Variants in RRN3 observed in about 807,000 individuals in gnomAD.
The protein encoded by RRN3 is RNA polymerase I transcription factor RRN3, also known as RNA polymerase I-specific transcription initiation factor RRN3.
A neutral mutation model predicts 82.3 loss-of-function variants in RRN3; 38 were observed. The observed-to-expected ratio is 0.46, with a 90% CI of 0.36 to 0.61. RRN3 has a LOEUF of 0.61. Ranked by LOEUF, RRN3 falls within the 20% of genes least tolerant of loss-of-function variation. RRN3 has a pLI of 0.00. For missense variants in RRN3, 726 were observed against 793.1 expected (o/e 0.92, Z 1.02); for synonymous variants, 284 against 284.3 (o/e 1.00, Z 0.01).
intron 3 of RRN3, among the ~76,000 whole-genome samples, chr16:15,090,878 T>G (rs1235111752): frequency 4.0e-5 from 6 of 151,842 alleles, no homozygotes; most frequent in African/African-American, 7.2e-5. Flanking sequence ...GGTTTGTTTT[T>G]TTTTTTTTTT....
intron 5 of RRN3, 68 bp from the exon 6 acceptor site, chr16:15,085,766 A>T: frequency 6.2e-7 from 1 of 1,600,982 alleles, no homozygotes; most frequent in Non-Finnish European, 8.5e-7. Flanking sequence ...ATACAAAAAA[A>T]GTTACTGACC....
chr16:15,084,260 C>T (rs1159177204), intron 7 of RRN3, among the ~76,000 whole-genome samples: 3 of 151,998 alleles, frequency 2.0e-5, no homozygotes, highest in Non-Finnish European at 4.4e-5. Flanking sequence ...ACTAGAGGTC[C>T]ACCCCTCCAA....
At chr16:15,094,012 C>T in intron 1 of RRN3, 133 bp downstream of exon 1, 2 of 764,912 alleles carry the variant, frequency 2.6e-6, no homozygotes, top group South Asian at 3.1e-5. Flanking sequence ...TTTCTGTGAA[C>T]GTGAGATGAC....
intron 13 of RRN3, among the ~76,000 whole-genome samples, 172 bp from the exon 14 acceptor site, chr16:15,070,426 G>A: frequency 6.6e-6 from 1 of 151,724 alleles, no homozygotes; most frequent in Non-Finnish European, 1.5e-5. Context: ...AAGGATGGGT[G>A]CGTAGGAAGA....
intron 15 of RRN3, among the ~76,000 whole-genome samples, chr16:15,067,855 T>C (rs183883840): frequency 3.5e-4 from 53 of 152,200 alleles, no homozygotes; most frequent in African/African-American, 1.1e-3. Context: ...CTTCCTGGGC[T>C]CAAGTGATCC....
rs560471097 is a variant in RRN3 at position 15,061,603 on chromosome 16, C to T, written c.*141G>A. ...CCAGTCTTCAGATGCTTGATTCAGT[C>T]GAACCTGGAAGTGCCACAGCCGAGG... On this transcript the variant is annotated 3_prime_UTR_variant, in exon 18 of 18. Coordinates refer to ENST00000198767, the MANE Select transcript of RRN3 (RefSeq NM_018427.5). 9.4e-5 allele frequency: 62 copies of T among 661,188 alleles called. No homozygotes were observed. Among genetic ancestry groups the T allele is most frequent in the African/African-American group, 6.8e-4 (38 of 55,834 alleles). 41.0% of individuals were successfully genotyped at this position (661,188 alleles called of 1,614,324 possible).
At chr16:15,072,622 G>A (rs2045284577) in intron 12 of RRN3, among the ~76,000 whole-genome samples, 1 of 152,126 alleles carries the variant, frequency 6.6e-6, no homozygotes, top group Non-Finnish European at 1.5e-5. Flanking sequence ...GGCCAACGTG[G>A]CGAAACCCCA....
intron 7 of RRN3, among the ~76,000 whole-genome samples, 183 bp downstream of exon 7, chr16:15,084,457 TAA>T (rs140423586): frequency 0.1 from 15,799 of 151,934 alleles, 887 homozygotes; most frequent in East Asian, 0.2. Flanking sequence ...GAAAAACAAT[TAA>T]AGAGAATAAA....
At chr16:15,076,448 T>G in intron 10 of RRN3, 110 bp downstream of exon 10, 1 of 805,856 alleles carries the variant, frequency 1.2e-6, no homozygotes, top group Non-Finnish European at 2.2e-6. Context: ...TCAAGTTTGC[T>G]GAACTATTTT....
intron 3 of RRN3, among the ~76,000 whole-genome samples, chr16:15,089,023 C>A (rs2046015448): frequency 6.6e-6 from 1 of 152,126 alleles, no homozygotes; most frequent in Non-Finnish European, 1.5e-5. Context: ...CAAGTCTAGG[C>A]CGGGTGGAGT....
At chr16:15,082,803 T>C (rs945089610) in intron 8 of RRN3, among the ~76,000 whole-genome samples, 3 of 152,196 alleles carry the variant, frequency 2.0e-5, no homozygotes, top group Admixed American at 6.5e-5. Context: ...TATTAAAAAC[T>C]GCACAGATGA....
intron 9 of RRN3, 95 bp downstream of exon 9, chr16:15,079,903 A>T: frequency 7.5e-7 from 1 of 1,335,686 alleles, no homozygotes; most frequent in Non-Finnish European, 1.0e-6. Flanking sequence ...GGCCAAGTGG[A>T]TTCTTTTCTA....
intron 16 of RRN3, among the ~76,000 whole-genome samples, chr16:15,064,322 C>T (rs2044860730): frequency 6.6e-6 from 1 of 152,042 alleles, no homozygotes; most frequent in Admixed American, 6.6e-5. Flanking sequence ...ATTACAGGCG[C>T]CACCACCACA....
At chr16:15,077,408 A>T (rs2966186) in intron 9 of RRN3, among the ~76,000 whole-genome samples, 1 of 151,724 alleles carries the variant, frequency 6.6e-6, no homozygotes, top group Non-Finnish European at 1.5e-5. Flanking sequence ...ATAAGTCTCA[A>T]GAGATCTGAT....
intron 12 of RRN3, among the ~76,000 whole-genome samples, 160 bp downstream of exon 12, chr16:15,072,767 CAAAAAAGAAAGGAAAAGAAAACA>C (rs1567197950): frequency 1.3e-5 from 2 of 151,516 alleles, no homozygotes; most frequent in Non-Finnish European, 2.9e-5. Flanking sequence ...GACTGTGTCT[CAAAAAAGAAAGGAAAAGAAAACA>C]AAAAAAGAAA....
At chr16:15,081,076 G>A (rs972926737) in intron 8 of RRN3, among the ~76,000 whole-genome samples, 1 of 152,110 alleles carries the variant, frequency 6.6e-6, no homozygotes, top group Non-Finnish European at 1.5e-5. Context: ...CCTTTTCATT[G>A]CTGAGTAATA....
chr16:15,085,437 T>C (rs1301077210), intron 6 of RRN3, among the ~76,000 whole-genome samples: 1 of 152,128 alleles, frequency 6.6e-6, no homozygotes, highest in Non-Finnish European at 1.5e-5. Context: ...AGACACACAC[T>C]ACCCTGCCTA....
intron 3 of RRN3, among the ~76,000 whole-genome samples, chr16:15,087,568 C>T (rs1024162848): frequency 6.6e-6 from 1 of 152,260 alleles, no homozygotes; most frequent in Middle Eastern, 3.4e-3. Flanking sequence ...CAAACTCCCA[C>T]AGATCAACCA....
intron 17 of RRN3, 37 bp from the exon 18 acceptor site, chr16:15,061,942 G>A (rs759906225): frequency 1.3e-6 from 2 of 1,572,674 alleles, no homozygotes; most frequent in Admixed American, 3.4e-5. Flanking sequence ...AACATCACCA[G>A]TGCTGACTGA....
Sources: allele counts gnomAD v4.1 joint callset (sites outside exome capture counted in the v4.1 genomes callset), GRCh38; gene constraint gnomAD v4.1.1; transcripts MANE v1.5; gene names NCBI Gene and HGNC (gene_info 2026-07-23, HGNC 2026-07-21).